The following OSBPL8 variants were observed in gnomAD, a reference collection of about 807,000 sequenced individuals.
OSBPL8 encodes oxysterol binding protein like 8, also known as oxysterol-binding protein-related protein 8.
Under a neutral mutation model 125.5 loss-of-function variants are expected in OSBPL8, and 59 were observed. That is an observed-to-expected ratio of 0.47 (90% CI 0.38 to 0.58). The LOEUF (loss-of-function observed/expected upper bound fraction) is 0.58, where lower values mean the gene tolerates loss of function less well. Among genes scored for constraint, OSBPL8 ranks in the 20% least tolerant of loss-of-function variants. OSBPL8 has a pLI of 0.00. For missense variants in OSBPL8, 758 were observed against 1,047.8 expected, an observed-to-expected ratio of 0.72 and a Z score of 3.82; for synonymous variants, 330 against 338.9, an observed-to-expected ratio of 0.97 and a Z score of 0.29.
chr12:76,466,121 T>G (rs1298708762), intron 2 of OSBPL8, among the ~76,000 whole-genome samples: 1 of 152,236 alleles, frequency 6.6e-6, no homozygotes, highest in Non-Finnish European at 1.5e-5. Context: ...TAAATTTTCT[T>G]ATACACATAC....
intron 4 of OSBPL8, among the ~76,000 whole-genome samples, chr12:76,446,515 G>C (rs534742575): frequency 6.6e-6 from 1 of 152,158 alleles, no homozygotes; most frequent in Admixed American, 6.6e-5. Flanking sequence ...TGCAAATAAA[G>C]ATATGACTAA....
chr12:76,440,269 T>C (rs1370986891), intron 4 of OSBPL8, among the ~76,000 whole-genome samples: 2 of 152,168 alleles, frequency 1.3e-5, no homozygotes, highest in Admixed American at 1.3e-4. Flanking sequence ...ATGTGGATTC[T>C]CTCTGAAAAT....
intron 21 of OSBPL8, among the ~76,000 whole-genome samples, chr12:76,364,624 T>C (rs1333510556): frequency 6.6e-6 from 1 of 152,126 alleles, no homozygotes; most frequent in Non-Finnish European, 1.5e-5. Flanking sequence ...CATTCTGTGC[T>C]TGTATCCCAG....
intron 2 of OSBPL8, among the ~76,000 whole-genome samples, chr12:76,469,588 A>T (rs1377997359): frequency 6.6e-6 from 1 of 152,078 alleles, no homozygotes; most frequent in Non-Finnish European, 1.5e-5. Context: ...CTCAGTTCTT[A>T]TTTTTTGCCT....
At chr12:76,555,775 C>G (rs1252055760) in intron 1 of OSBPL8, among the ~76,000 whole-genome samples, 1 of 152,132 alleles carries the variant, frequency 6.6e-6, no homozygotes, top group Non-Finnish European at 1.5e-5. Context: ...TATCGTACTT[C>G]CAAAACTCAA....
At chr12:76,379,390 T>C (rs531184863) in intron 15 of OSBPL8, among the ~76,000 whole-genome samples, 1 of 152,350 alleles carries the variant, frequency 6.6e-6, no homozygotes, top group East Asian at 1.9e-4. Context: ...TACTGAAGTA[T>C]AAATTTACAT....
chr12:76,549,632 ACCT>A (rs1269157844), intron 1 of OSBPL8, among the ~76,000 whole-genome samples: 2 of 151,986 alleles, frequency 1.3e-5, no homozygotes, highest in Non-Finnish European at 2.9e-5. Context: ...CAAACTCTTG[ACCT>A]CATGATCCAC....
intron 19 of OSBPL8, 47 bp downstream of exon 19, chr12:76,371,401 A>G: frequency 6.7e-7 from 1 of 1,502,562 alleles, no homozygotes; most frequent in Non-Finnish European, 8.9e-7. Context: ...GAATTGAAAA[A>G]CTACTCTCTG....
rs1432801111 is a variant in OSBPL8 at position 76,369,841 on chromosome 12, T to C, written c.2055-19A>G. The C allele has an allele frequency of 6.3e-7, 1 of 1,578,106 alleles. No individual in the cohort carries two copies. The highest frequency in any genetic ancestry group is 8.6e-7 in the Non-Finnish European group (1 of 1,162,022). On this transcript the variant is annotated intron_variant, in intron 19 of 23. Transcript: ENST00000261183. ...CCAGAGTCTAATACATGTGCGAAAA[T>C]ATTAAAAGTATTAAAAATGTAACAG...
chr12:76,386,130 C>G, intron 14 of OSBPL8, 38 bp downstream of exon 14: 1 of 1,583,194 alleles, frequency 6.3e-7, no homozygotes, highest in Non-Finnish European at 8.6e-7. Context: ...CCAATAACTT[C>G]CAGATCAGTT....
intron 3 of OSBPL8, among the ~76,000 whole-genome samples, chr12:76,458,018 G>A (rs999875938): frequency 1.3e-5 from 2 of 152,060 alleles, no homozygotes; most frequent in African/African-American, 4.8e-5. Flanking sequence ...TGCAATGTCA[G>A]CATTTTGGGA....
intron 21 of OSBPL8, among the ~76,000 whole-genome samples, chr12:76,360,922 G>A (rs1275315723): frequency 1.3e-5 from 2 of 152,190 alleles, no homozygotes; most frequent in African/African-American, 2.4e-5. Context: ...TTTCCTCCTA[G>A]GCTTCCAGGT....
chr12:76,513,748 T>G (rs920779675), intron 1 of OSBPL8, among the ~76,000 whole-genome samples: 3 of 151,464 alleles, frequency 2.0e-5, no homozygotes, highest in African/African-American at 2.4e-5. Flanking sequence ...CCCTGGGTTT[T>G]TTTTTTTTTT....
chr12:76,404,401 G>A (rs1433493758), intron 5 of OSBPL8, among the ~76,000 whole-genome samples: 1 of 152,014 alleles, frequency 6.6e-6, no homozygotes, highest in Non-Finnish European at 1.5e-5. Flanking sequence ...AACATTCATG[G>A]TTGTTTACTA....
intron 4 of OSBPL8, among the ~76,000 whole-genome samples, chr12:76,433,779 C>T (rs1396989658): frequency 6.6e-6 from 1 of 151,848 alleles, no homozygotes; most frequent in Non-Finnish European, 1.5e-5. Flanking sequence ...TCAAGACTAG[C>T]CTGACCAACA....
At chr12:76,474,989 T>G (rs1019622538) in intron 2 of OSBPL8, among the ~76,000 whole-genome samples, 1 of 152,150 alleles carries the variant, frequency 6.6e-6, no homozygotes, top group African/African-American at 2.4e-5. Context: ...AAAATCTCTT[T>G]ATTGTTCTAC....
intron 21 of OSBPL8, among the ~76,000 whole-genome samples, chr12:76,367,390 C>T (rs1407119092): frequency 6.6e-6 from 1 of 151,996 alleles, no homozygotes; most frequent in African/African-American, 2.4e-5. Context: ...CTCATTTTTC[C>T]TTTGGTTACT....
chr12:76,526,779 T>C (rs1226937918), intron 1 of OSBPL8, among the ~76,000 whole-genome samples: 1 of 150,756 alleles, frequency 6.6e-6, no homozygotes, highest in Non-Finnish European at 1.5e-5. Flanking sequence ...GTCTCTCAAG[T>C]AGCTGGGATT....
intron 1 of OSBPL8, among the ~76,000 whole-genome samples, chr12:76,496,113 G>A (rs974343295): frequency 2.6e-5 from 4 of 151,210 alleles, no homozygotes; most frequent in Non-Finnish European, 5.9e-5. Flanking sequence ...TTTTTTTAAC[G>A]ACACATTCTT....
Sources: gnomAD v4.1 joint callset for allele counts (sites outside exome capture counted in the v4.1 genomes callset) on GRCh38, gnomAD v4.1.1 for gene constraint, MANE v1.5 for transcripts, NCBI Gene and HGNC (gene_info 2026-07-23, HGNC 2026-07-21) for gene names.